Variants in CNTNAP2 observed in about 807,000 individuals in gnomAD.
The protein encoded by CNTNAP2 is contactin associated protein 2, also known as contactin-associated protein-like 2.
A neutral mutation model predicts 155.2 loss-of-function variants in CNTNAP2; 98 were observed. That is an observed-to-expected ratio of 0.63 (90% CI 0.54 to 0.75). The LOEUF is 0.75. Ranked by LOEUF, CNTNAP2 falls within the 30% of genes least tolerant of loss-of-function variation. The pLI is 0.00. For missense variants in CNTNAP2, 1,727 were observed against 1,688.1 expected, an observed-to-expected ratio of 1.02 and a Z score of -0.40; for synonymous variants, 651 against 631.2, an observed-to-expected ratio of 1.03 and a Z score of -0.47.
chr7:147,352,208 T>C (rs1249339806), intron 9 of CNTNAP2, among the ~76,000 whole-genome samples: 1 of 151,928 alleles, frequency 6.6e-6, no homozygotes, highest in South Asian at 2.1e-4. Flanking sequence ...GTTAGTTTTA[T>C]GTAAAAGCAA....
At chr7:147,192,761 C>T (rs1275703305) in intron 8 of CNTNAP2, among the ~76,000 whole-genome samples, 3 of 152,140 alleles carry the variant, frequency 2.0e-5, no homozygotes, top group South Asian at 2.1e-4. Context: ...TACTCAGTGT[C>T]GTTTGGCATT....
intron 13 of CNTNAP2, among the ~76,000 whole-genome samples, chr7:147,755,504 T>A (rs753894560): frequency 2.0e-5 from 3 of 151,962 alleles, no homozygotes; most frequent in Non-Finnish European, 4.4e-5. Flanking sequence ...AATACAAAAA[T>A]TAGCCAGGCA....
At chr7:148,226,300 C>T (rs1795847011) in intron 19 of CNTNAP2, among the ~76,000 whole-genome samples, 1 of 151,834 alleles carries the variant, frequency 6.6e-6, no homozygotes, top group African/African-American at 2.4e-5. Flanking sequence ...ATTCAAAGGT[C>T]CTACATAGGA....
chr7:146,810,508 C>A (rs1173203454), intron 2 of CNTNAP2, among the ~76,000 whole-genome samples: 1 of 151,858 alleles, frequency 6.6e-6, no homozygotes, highest in Non-Finnish European at 1.5e-5. Context: ...GTATCTGCAA[C>A]TTTACTGATT....
chr7:148,331,716 C>CATGGATGGAGT lies in CNTNAP2; in HGVS notation c.3476-51933_3476-51932insATGGATGGAGT, dbSNP rs1563045936. 5.3e-4 allele frequency among the ~76,000 whole-genome samples: 17 copies of CATGGATGGAGT among 32,362 alleles called. 1 individual carries two copies. The highest frequency in any genetic ancestry group is 9.0e-4 in the Admixed American group (3 of 3,318). 21.2% of individuals were successfully genotyped at this position (32,362 alleles called of 152,430 possible). A position where few individuals can be genotyped will look rare whatever the true frequency, so the allele number is the denominator to read the frequency against. On this transcript the variant is annotated intron_variant, in intron 21 of 23. Coordinates refer to ENST00000361727, the MANE Select transcript of CNTNAP2 (RefSeq NM_014141.6). ...GGATGGAGTGGATGGATGGAGTGGA[C>CATGGATGGAGT]GGATGGATTGGATGGATGGAGTGGA...
At chr7:147,341,287 G>A (rs12531611) in intron 9 of CNTNAP2, among the ~76,000 whole-genome samples, 59,303 of 151,470 alleles carry the variant, frequency 0.39, 11,917 homozygotes, top group South Asian at 0.49. Context: ...GGGGCCTGTC[G>A]GTCGGTGGAG....
chr7:147,566,731 G>A (rs1800180263), intron 12 of CNTNAP2, among the ~76,000 whole-genome samples: 1 of 152,092 alleles, frequency 6.6e-6, no homozygotes, highest in South Asian at 2.1e-4. Flanking sequence ...CTCAACACTT[G>A]GGAATTGTGG....
At chr7:147,392,780 G>A (rs1053050847) in intron 9 of CNTNAP2, among the ~76,000 whole-genome samples, 15 of 151,946 alleles carry the variant, frequency 9.9e-5, no homozygotes, top group African/African-American at 3.6e-4. Context: ...GCAAAAATGT[G>A]GAACCAGCTC....
intron 8 of CNTNAP2, among the ~76,000 whole-genome samples, chr7:147,264,491 G>A (rs1439615754): frequency 6.6e-6 from 1 of 150,828 alleles, no homozygotes; most frequent in African/African-American, 2.4e-5. Flanking sequence ...GTCTGAAATG[G>A]AGTATCTGAG....
At chr7:146,573,096 C>T (rs1798467729) in intron 1 of CNTNAP2, among the ~76,000 whole-genome samples, 1 of 152,048 alleles carries the variant, frequency 6.6e-6, no homozygotes, top group Admixed American at 6.6e-5. Flanking sequence ...TCGTACAGTG[C>T]TTTAGAAAAA....
At chr7:147,989,467 CTAAG>C (rs1801674958) in intron 15 of CNTNAP2, among the ~76,000 whole-genome samples, 1 of 152,222 alleles carries the variant, frequency 6.6e-6, no homozygotes, top group African/African-American at 2.4e-5. Flanking sequence ...TCAGAGCTCT[CTAAG>C]TGTTAGCCAA....
intron 9 of CNTNAP2, among the ~76,000 whole-genome samples, chr7:147,375,752 C>G (rs1322361095): frequency 6.6e-6 from 1 of 152,032 alleles, no homozygotes; most frequent in African/African-American, 2.4e-5. Context: ...TCTTTAAAAA[C>G]TTCATTGAAA....
chr7:146,483,339 ATATT>A (rs1373403372), intron 1 of CNTNAP2, among the ~76,000 whole-genome samples: 1 of 136,324 alleles, frequency 7.3e-6, no homozygotes, highest in Non-Finnish European at 1.6e-5. Context: ...ACATATATAT[ATATT>A]TAAGCACAGA....
At chr7:146,743,285 T>A (rs138085294) in intron 1 of CNTNAP2, among the ~76,000 whole-genome samples, 1 of 151,088 alleles carries the variant, frequency 6.6e-6, no homozygotes, top group Admixed American at 6.6e-5. Flanking sequence ...GACAAGGGAC[T>A]TGAAAAGGTG....
At chr7:146,828,947 G>C (rs1803459391) in intron 2 of CNTNAP2, among the ~76,000 whole-genome samples, 1 of 152,006 alleles carries the variant, frequency 6.6e-6, no homozygotes, top group African/African-American at 2.4e-5. Flanking sequence ...ATCAAATTTG[G>C]ATTTGCATTC....
rs143569271 is a variant in CNTNAP2 at position 146,841,945 on chromosome 7, T to C, written c.402+2041T>C. ...TTGCCCAGGCTGGAATGCAGTGGTG[T>C]GATCTTGGCTCACTGCAACCTCCGC... On this transcript the variant is annotated intron_variant, in intron 3 of 23. Coordinates refer to ENST00000361727, the MANE Select transcript of CNTNAP2 (RefSeq NM_014141.6). 8.1e-3 allele frequency among the ~76,000 whole-genome samples: 1,230 copies of C among 151,794 alleles called. 17 individuals carry two copies. The highest frequency in any genetic ancestry group is 0.028 in the African/African-American group (1,149 of 41,396).
intron 4 of CNTNAP2, among the ~76,000 whole-genome samples, chr7:147,102,276 C>CAAATAGAAA (rs1800672413): frequency 2.8e-5 from 1 of 36,326 alleles, no homozygotes; most frequent in Admixed American, 2.4e-4. Context: ...TGTAGGTAGG[C>CAAATAGAAA]AAAAAGAAAA....
intron 15 of CNTNAP2, among the ~76,000 whole-genome samples, chr7:147,984,257 G>A (rs1006325097): frequency 6.6e-6 from 1 of 152,234 alleles, no homozygotes; most frequent in Admixed American, 6.5e-5. Flanking sequence ...CAAGGTCTTT[G>A]TAACCTGTAT....
At chr7:146,531,303 T>C (rs1036950637) in intron 1 of CNTNAP2, among the ~76,000 whole-genome samples, 1 of 152,036 alleles carries the variant, frequency 6.6e-6, no homozygotes, top group Admixed American at 6.6e-5. Flanking sequence ...AAATAATCTA[T>C]ACACCAAACC....
Sources: allele counts gnomAD v4.1 joint callset (sites outside exome capture counted in the v4.1 genomes callset), GRCh38; gene constraint gnomAD v4.1.1; transcripts MANE v1.5; gene names NCBI Gene and HGNC (gene_info 2026-07-23, HGNC 2026-07-21).